The following SPATS2 variants were observed in gnomAD, a reference collection of about 807,000 sequenced individuals.
SPATS2 encodes the protein spermatogenesis-associated serine-rich protein 2.
Under a neutral mutation model 63.7 loss-of-function variants are expected in SPATS2, and 38 were observed. That is an observed-to-expected ratio of 0.60 (90% CI 0.46 to 0.78). SPATS2 has a LOEUF of 0.78. SPATS2 is among the 30% of genes least tolerant of loss of function. The pLI, the probability that SPATS2 is intolerant of heterozygous loss-of-function variation, is 0.00. For synonymous variants in SPATS2, 207 were observed against 232.9 expected (o/e 0.89, Z 1.01); for missense variants, 588 against 666.2 (o/e 0.88, Z 1.29).
At position 49,519,222 on chromosome 12, in the gene SPATS2, CAG is replaced by C. The variant is rs773693648; in HGVS notation, c.1008+41_1008+42del. 3 of 1,524,678 alleles carry C rather than the reference CAG, an allele frequency of 2.0e-6. No homozygotes were observed. In the African/African-American group the frequency reaches 4.1e-5, roughly 21 times the overall value. The allele number at this position is 1,524,678 out of a possible 1,614,324, so 94.4% of individuals were successfully genotyped here. A position where few individuals can be genotyped will look rare whatever the true frequency, so the allele number is the denominator to read the frequency against. ...TGCTTTCTGCCTTTCTTCTTATCCT[CAG>C]GGGCTAAAGTAAGAAATTTTCATAA... is the stretch of plus-strand genomic sequence containing the variant. On this transcript the variant is annotated intron_variant, in intron 11 of 13. Transcript: ENST00000552918.
intron 9 of SPATS2, 135 bp from the exon 10 acceptor site, chr12:49,514,420 G>A: frequency 1.5e-6 from 1 of 689,346 alleles, no homozygotes. Context: ...GAATTTGTAT[G>A]TGATCCATAC....
chr12:49,522,443 A>G (rs1010626413), intron 11 of SPATS2, among the ~76,000 whole-genome samples: 1 of 152,244 alleles, frequency 6.6e-6, no homozygotes, highest in African/African-American at 2.4e-5. Flanking sequence ...AGAATAGCCA[A>G]CAGTAGAAAG....
At chr12:49,383,685 A>C (rs1241313528) in intron 2 of SPATS2, among the ~76,000 whole-genome samples, 1 of 152,212 alleles carries the variant, frequency 6.6e-6, no homozygotes, top group Non-Finnish European at 1.5e-5. Flanking sequence ...TATAGACATG[A>C]GCCATCTTGC....
intron 2 of SPATS2, among the ~76,000 whole-genome samples, chr12:49,432,846 C>G (rs1441730886): frequency 1.3e-5 from 2 of 152,114 alleles, no homozygotes; most frequent in East Asian, 3.8e-4. Flanking sequence ...TTGCTTTCAC[C>G]TCTTTTCTGA....
intron 2 of SPATS2, among the ~76,000 whole-genome samples, chr12:49,418,361 G>A (rs946571159): frequency 3.3e-5 from 5 of 151,916 alleles, no homozygotes; most frequent in African/African-American, 4.8e-5. Flanking sequence ...GTGCAATGGC[G>A]TGATCTCGGC....
chr12:49,395,368 G>A (rs1944490563), intron 2 of SPATS2, among the ~76,000 whole-genome samples: 1 of 150,886 alleles, frequency 6.6e-6, no homozygotes, highest in African/African-American at 2.4e-5. Flanking sequence ...GAGAAGCAGT[G>A]AAAGTAAATA....
At chr12:49,449,929 A>T (rs1325769592) in intron 2 of SPATS2, among the ~76,000 whole-genome samples, 1 of 152,078 alleles carries the variant, frequency 6.6e-6, no homozygotes, top group African/African-American at 2.4e-5. Flanking sequence ...TCATTTGTTG[A>T]ACTCTTTATT....
intron 2 of SPATS2, among the ~76,000 whole-genome samples, chr12:49,426,743 C>T (rs997874221): frequency 2.0e-5 from 3 of 152,144 alleles, no homozygotes; most frequent in African/African-American, 7.2e-5. Flanking sequence ...CGGGGTTTCA[C>T]TGTGTTAGCC....
chr12:49,480,769 C>G (rs1946192655), intron 3 of SPATS2, among the ~76,000 whole-genome samples: 1 of 151,086 alleles, frequency 6.6e-6, no homozygotes, highest in Admixed American at 6.6e-5. Flanking sequence ...AGTTTTTCCA[C>G]ATTCTTGCCA....
At chr12:49,385,788 T>C (rs914062369) in intron 2 of SPATS2, among the ~76,000 whole-genome samples, 9 of 151,926 alleles carry the variant, frequency 5.9e-5, no homozygotes, top group South Asian at 2.1e-4. Context: ...CCAGGGAGCA[T>C]TGAGAGCCCC....
intron 2 of SPATS2, among the ~76,000 whole-genome samples, chr12:49,446,292 A>G (rs1945510026): frequency 6.6e-6 from 1 of 152,212 alleles, no homozygotes; most frequent in Non-Finnish European, 1.5e-5. Flanking sequence ...GCTGTAACAA[A>G]TTACCACAAA....
chr12:49,412,232 T>A (rs946203710), intron 2 of SPATS2, among the ~76,000 whole-genome samples: 1 of 152,112 alleles, frequency 6.6e-6, no homozygotes, highest in African/African-American at 2.4e-5. Context: ...TCTCTCTCTG[T>A]CGCCTAGGCT....
At chr12:49,456,894 T>C (rs191218070) in intron 2 of SPATS2, among the ~76,000 whole-genome samples, 2 of 152,324 alleles carry the variant, frequency 1.3e-5, no homozygotes, top group African/African-American at 2.4e-5. Flanking sequence ...TGTTCCCTAA[T>C]GTTATCTTCT....
intron 2 of SPATS2, among the ~76,000 whole-genome samples, chr12:49,388,380 A>AT (rs1030833314): frequency 1.3e-5 from 2 of 150,740 alleles, no homozygotes; most frequent in Non-Finnish European, 3.0e-5. Context: ...TTAAAAAATA[A>AT]TTTTTTTTCC....
chr12:49,438,238 G>T (rs1033727772), intron 2 of SPATS2, among the ~76,000 whole-genome samples: 18 of 152,096 alleles, frequency 1.2e-4, no homozygotes, highest in African/African-American at 3.6e-4. Context: ...TGACTTCTTT[G>T]TTTAACAATG....
At chr12:49,481,087 A>G (rs1946197741) in intron 3 of SPATS2, among the ~76,000 whole-genome samples, 1 of 152,224 alleles carries the variant, frequency 6.6e-6, no homozygotes, top group South Asian at 2.1e-4. Context: ...GTATTTACAA[A>G]TATGTCATTT....
At chr12:49,427,168 C>G (rs1592384591) in intron 2 of SPATS2, among the ~76,000 whole-genome samples, 1 of 152,242 alleles carries the variant, frequency 6.6e-6, no homozygotes, top group East Asian at 1.9e-4. Context: ...TGGTCTCATT[C>G]CTGGGCTCAA....
chr12:49,511,907 A>G (rs1946759875), intron 9 of SPATS2, among the ~76,000 whole-genome samples: 1 of 152,194 alleles, frequency 6.6e-6, no homozygotes, highest in Non-Finnish European at 1.5e-5. Flanking sequence ...TTTCAGATAT[A>G]TAGAAAAGTT....
At chr12:49,513,943 T>C (rs1592475549) in intron 9 of SPATS2, among the ~76,000 whole-genome samples, 2 of 152,010 alleles carry the variant, frequency 1.3e-5, no homozygotes, top group Admixed American at 1.3e-4. Context: ...GATCACGAGG[T>C]CAGGAGATCG....
Sources: allele counts gnomAD v4.1 joint callset (sites outside exome capture counted in the v4.1 genomes callset), GRCh38; gene constraint gnomAD v4.1.1; transcripts MANE v1.5; gene names NCBI Gene and HGNC (gene_info 2026-07-23, HGNC 2026-07-21).